The following CYTH1 variants were observed in gnomAD, a reference collection of about 807,000 sequenced individuals.
The protein encoded by CYTH1 is cytohesin 1.
A neutral mutation model predicts 61.8 loss-of-function variants in CYTH1; 18 were observed. The ratio of observed to expected loss-of-function variants is 0.29; its 90% CI spans 0.20 to 0.43. The LOEUF is 0.43. Ranked by LOEUF, CYTH1 falls within the 20% of genes least tolerant of loss-of-function variation. The pLI is 1.00. For missense variants in CYTH1, 336 were observed against 510.5 expected (o/e 0.66, Z 3.29); for synonymous variants, 174 against 184.3 (o/e 0.94, Z 0.45).
At chr17:78,698,772 C>CA in intron 8 of CYTH1, 48 bp downstream of exon 8, 1 of 1,526,596 alleles carries the variant, frequency 6.6e-7, no homozygotes, top group South Asian at 1.3e-5. Context: ...ATCCTGTTCC[C>CA]AGTGAACTCT....
chr17:78,714,299 T>A (rs1178925890), intron 1 of CYTH1, among the ~76,000 whole-genome samples: 1 of 151,458 alleles, frequency 6.6e-6, no homozygotes. Flanking sequence ...CAAAAAAATT[T>A]AAAAATTTAA....
chr17:78,760,465 ATATATG>A, intron 1 of CYTH1, among the ~76,000 whole-genome samples: 2 of 52,646 alleles, frequency 3.8e-5, no homozygotes, highest in African/African-American at 7.6e-5. Flanking sequence ...ACATACATAT[ATATATG>A]TATATATATG....
intron 4 of CYTH1, 119 bp downstream of exon 4, chr17:78,702,419 G>T: frequency 8.7e-7 from 1 of 1,152,042 alleles, no homozygotes; most frequent in Non-Finnish European, 1.3e-6. Context: ...CATAACATTT[G>T]CTCTACAAAA....
chr17:78,735,540 G>A (rs1459056591), intron 1 of CYTH1, among the ~76,000 whole-genome samples: 2 of 152,222 alleles, frequency 1.3e-5, no homozygotes, highest in Non-Finnish European at 2.9e-5. Flanking sequence ...AGATACAGAA[G>A]TATCGTTATG....
intron 1 of CYTH1, among the ~76,000 whole-genome samples, chr17:78,745,805 T>C (rs1371697383): frequency 6.6e-6 from 1 of 152,104 alleles, no homozygotes; most frequent in Non-Finnish European, 1.5e-5. Flanking sequence ...GGCAAGAGAA[T>C]TGCTTCAATC....
At chr17:78,738,372 C>T (rs189585723) in intron 1 of CYTH1, among the ~76,000 whole-genome samples, 42 of 152,322 alleles carry the variant, frequency 2.8e-4, no homozygotes, top group Middle Eastern at 3.4e-3. Context: ...GCACCCTGCT[C>T]TCTGCTGGAC....
At chr17:78,705,171 C>G (rs1807669258) in intron 3 of CYTH1, among the ~76,000 whole-genome samples, 1 of 152,188 alleles carries the variant, frequency 6.6e-6, no homozygotes, top group African/African-American at 2.4e-5. Context: ...GAATGCTCAG[C>G]TTCCTGGGCC....
intron 1 of CYTH1, among the ~76,000 whole-genome samples, chr17:78,745,664 C>T (rs949114512): frequency 1.3e-5 from 2 of 152,130 alleles, no homozygotes; most frequent in Non-Finnish European, 2.9e-5. Flanking sequence ...GAGGCCGAGG[C>T]GGGTGGATCA....
chr17:78,694,017 C>T (rs2092914683), intron 10 of CYTH1, among the ~76,000 whole-genome samples: 1 of 152,182 alleles, frequency 6.6e-6, no homozygotes, highest in South Asian at 2.1e-4. Flanking sequence ...AATAGCTGAG[C>T]AAAGAGGAGA....
chr17:78,766,287 TAA>T (rs1309624219), intron 1 of CYTH1, among the ~76,000 whole-genome samples: 8 of 152,222 alleles, frequency 5.3e-5, no homozygotes, highest in African/African-American at 1.9e-4. Flanking sequence ...GCAAAAAGGC[TAA>T]GAGAAGCCAT....
chr17:78,764,439 A>G (rs2093440423), intron 1 of CYTH1, among the ~76,000 whole-genome samples: 1 of 151,852 alleles, frequency 6.6e-6, no homozygotes, highest in Non-Finnish European at 1.5e-5. Flanking sequence ...AGGGTTACAG[A>G]TGTGAGCCAC....
intron 1 of CYTH1, among the ~76,000 whole-genome samples, chr17:78,734,751 T>G (rs560160002): frequency 6.6e-6 from 1 of 152,282 alleles, no homozygotes; most frequent in African/African-American, 2.4e-5. Flanking sequence ...GAAAGCAATA[T>G]TTTTAACCTA....
chr17:78,739,007 C>T (rs896281309), intron 1 of CYTH1, among the ~76,000 whole-genome samples: 7 of 152,214 alleles, frequency 4.6e-5, no homozygotes, highest in Admixed American at 4.6e-4. Context: ...CAGTGGGAAA[C>T]GGTTTCTCGT....
intron 1 of CYTH1, among the ~76,000 whole-genome samples, chr17:78,758,563 G>A (rs1488870240): frequency 1.3e-5 from 2 of 152,056 alleles, no homozygotes; most frequent in Non-Finnish European, 2.9e-5. Context: ...AATTAGCCGG[G>A]CATGGTGGTG....
chr17:78,689,629 G>A lies in CYTH1; in HGVS notation c.891+2788C>T, dbSNP rs538516952. Among the ~76,000 whole-genome samples, 8 of 152,254 alleles carry A rather than the reference G, an allele frequency of 5.3e-5. No homozygotes were observed. The South Asian group carries it at 6.2e-4, about 12-fold the overall frequency. Reference sequence around the variant, plus strand: ...TCGTAACAGGCCACAGACTGGTACCGTCCTATGGCCTGAGGTTGAGGACCC... The same window carrying A: ...TCGTAACAGGCCACAGACTGGTACCATCCTATGGCCTGAGGTTGAGGACCC... On this transcript the variant is annotated intron_variant, in intron 11 of 13. Transcript: ENST00000446868.
chr17:78,680,104 G>T, intron 13 of CYTH1, 86 bp downstream of exon 13: 1 of 1,518,980 alleles, frequency 6.6e-7, no homozygotes, highest in Non-Finnish European at 8.9e-7. Flanking sequence ...AGATGCGGGC[G>T]GCATGTTTAA....
At chr17:78,745,665 G>A (rs534893412) in intron 1 of CYTH1, among the ~76,000 whole-genome samples, 3 of 152,278 alleles carry the variant, frequency 2.0e-5, no homozygotes, top group Admixed American at 6.5e-5. Context: ...AGGCCGAGGC[G>A]GGTGGATCAC....
chr17:78,759,594 G>A (rs556958779), intron 1 of CYTH1, among the ~76,000 whole-genome samples: 12 of 152,292 alleles, frequency 7.9e-5, no homozygotes, highest in Admixed American at 2.0e-4. Flanking sequence ...ATCCAAGGTT[G>A]GTTATTCTTG....
intron 1 of CYTH1, among the ~76,000 whole-genome samples, chr17:78,763,719 A>G (rs1315869035): frequency 1.3e-5 from 2 of 152,172 alleles, no homozygotes; most frequent in African/African-American, 4.8e-5. Flanking sequence ...AACCACAGCT[A>G]ACTGCAGATA....
Sources: allele counts gnomAD v4.1 joint callset (sites outside exome capture counted in the v4.1 genomes callset), GRCh38; gene constraint gnomAD v4.1.1; transcripts MANE v1.5; gene names NCBI Gene and HGNC (gene_info 2026-07-23, HGNC 2026-07-21).